The following CAST variants were observed in gnomAD, a reference collection of about 807,000 sequenced individuals.
CAST encodes the protein calpastatin.
Under a neutral mutation model 119.6 loss-of-function variants are expected in CAST, and 76 were observed. The ratio of observed to expected loss-of-function variants is 0.64; its 90% CI spans 0.53 to 0.77. CAST has a LOEUF of 0.77. Ranked by LOEUF, CAST falls within the 30% of genes least tolerant of loss-of-function variation. CAST has a pLI of 0.00. For synonymous variants in CAST, 319 were observed against 331.6 expected (o/e 0.96, Z 0.41); for missense variants, 953 against 946.5 (o/e 1.01, Z -0.09).
the CAST span, chr5:96,423,360 G>A: frequency 6.2e-7 from 1 of 1,613,538 alleles, no homozygotes; most frequent in Non-Finnish European, 8.5e-7. Context: ...CCATCATCCA[G>A]TACGGTGATA....
the CAST span, among the ~76,000 whole-genome samples, chr5:96,454,952 C>T: frequency 6.6e-6 from 1 of 152,178 alleles, no homozygotes; most frequent in African/African-American, 2.4e-5. Context: ...ATTTTATTGG[C>T]ATTTCTATTT....
At chr5:96,448,482 A>G in the CAST span, among the ~76,000 whole-genome samples, 1,496 of 152,312 alleles carry the variant, frequency 9.8e-3, 7 homozygotes, top group Non-Finnish European at 0.016. Context: ...GCACTGTGCT[A>G]GCTGCAATGG....
At chr5:96,435,884 A>G in the CAST span, among the ~76,000 whole-genome samples, 1 of 152,232 alleles carries the variant, frequency 6.6e-6, no homozygotes, top group Admixed American at 6.5e-5. Context: ...TAGGAAACAA[A>G]TGTTTTAAAC....
In CAST at chr5:96,534,743, A is replaced by AGAGAGAAAGAGAAAG. The variant is rs1554066267; in HGVS notation, c.60+4863_60+4864insGAGAGAAAGAGAAAG. Among the ~76,000 whole-genome samples the AGAGAGAAAGAGAAAG allele has an allele frequency of 5.7e-4, 32 of 56,600 alleles. 2 individuals are homozygous for AGAGAGAAAGAGAAAG. The highest frequency in any genetic ancestry group is 1.1e-3 in the African/African-American group (14 of 12,314). 37.1% of individuals were successfully genotyped at this position (56,600 alleles called of 152,430 possible). ...AGAGAGAGAGAGAGAGAGAGAGAGA[A>AGAGAGAAAGAGAAAG]AGAAAGAAAGAAAGAAAGAAAGAAA... On this transcript the variant is annotated intron_variant, in intron 1 of 11. Transcript: ENST00000505143.
chr5:96,500,769 G>A, the CAST span, among the ~76,000 whole-genome samples: 1 of 152,286 alleles, frequency 6.6e-6, no homozygotes, highest in East Asian at 1.9e-4. Flanking sequence ...ACTAATCACC[G>A]TCTCGGGAAA....
rs1747950161 is a variant in CAST at position 96,641,549 on chromosome 5, C to T, written c.61-33990C>T. 2.0e-5 allele frequency among the ~76,000 whole-genome samples: 3 copies of T among 152,238 alleles called. No individual in the cohort carries two copies. In the South Asian group the frequency reaches 6.2e-4, roughly 32 times the overall value. On this transcript the variant is annotated intron_variant, in intron 1 of 11. Coordinates refer to the CAST transcript ENST00000505143. ...CAATGTTTACAGTGCTTGATGGTTT[C>T]CCAATGCCAAGAGGATGGAGTTTAG...
At chr5:96,252,540 G>A in the CAST span, among the ~76,000 whole-genome samples, 10 of 152,158 alleles carry the variant, frequency 6.6e-5, no homozygotes, top group Non-Finnish European at 1.5e-4. Flanking sequence ...GTTAGAGTAG[G>A]TATTAACAGT....
the CAST span, among the ~76,000 whole-genome samples, chr5:96,203,232 T>TTA: frequency 1.3e-5 from 2 of 152,036 alleles, no homozygotes; most frequent in African/African-American, 4.8e-5. Context: ...AGTGACTGCA[T>TTA]TGTTTCACCA....
At chr5:96,416,010 A>C in the CAST span, 1 of 1,457,160 alleles carries the variant, frequency 6.9e-7, no homozygotes, top group Non-Finnish European at 9.6e-7. Flanking sequence ...ATGCCAAGCT[A>C]TAGGGACAAT....
At chr5:96,308,916 A>T in the CAST span, 5 of 152,496 alleles carry the variant, frequency 3.3e-5, no homozygotes, top group Non-Finnish European at 7.3e-5. Context: ...GGTGTTTCCC[A>T]GTCAGGATAC....
At chr5:96,758,964 CATTATT>C (rs1228223543) in intron 24 of CAST, among the ~76,000 whole-genome samples, 1 of 152,092 alleles carries the variant, frequency 6.6e-6, no homozygotes, top group Non-Finnish European at 1.5e-5. Context: ...CTCCTCCTAT[CATTATT>C]ATTATTACAA....
the CAST span, among the ~76,000 whole-genome samples, chr5:96,334,269 A>G: frequency 1.1e-4 from 16 of 152,186 alleles, no homozygotes; most frequent in Non-Finnish European, 1.9e-4. Context: ...CTCAGTGCAG[A>G]AAATTCTAGG....
intron 1 of CAST, among the ~76,000 whole-genome samples, chr5:96,540,374 A>G (rs35283841): frequency 0.61 from 92,207 of 151,324 alleles, 28,423 homozygotes; most frequent in East Asian, 0.86. Flanking sequence ...ATCCTTTCAG[A>G]TTTTGTATGT....
chr5:96,466,435 G>A, the CAST span, among the ~76,000 whole-genome samples: 1 of 152,104 alleles, frequency 6.6e-6, no homozygotes, highest in Non-Finnish European at 1.5e-5. Context: ...CTGTATGAAA[G>A]AGCACACTCA....
the CAST span, among the ~76,000 whole-genome samples, chr5:96,500,217 ATGCTGTTG>A: frequency 6.6e-6 from 1 of 152,236 alleles, no homozygotes; most frequent in African/African-American, 2.4e-5. Context: ...AAGTAAACAC[ATGCTGTTG>A]AAAAAGTGTG....
chr5:96,648,548 C>G (rs1580857874), intron 1 of CAST, among the ~76,000 whole-genome samples: 1 of 151,530 alleles, frequency 6.6e-6, no homozygotes, highest in East Asian at 1.9e-4. Context: ...AGTTTCAGCA[C>G]TTGAATTAAT....
intron 1 of CAST, among the ~76,000 whole-genome samples, chr5:96,580,859 T>C (rs1436459618): frequency 1.3e-5 from 2 of 152,222 alleles, no homozygotes; most frequent in African/African-American, 4.8e-5. Flanking sequence ...AAGGTGATGA[T>C]ATTGGGAGAG....
intron 20 of CAST, among the ~76,000 whole-genome samples, chr5:96,752,589 T>C (rs1201999992): frequency 7.0e-6 from 1 of 142,114 alleles, no homozygotes; most frequent in East Asian, 2.0e-4. Context: ...TTTTTTTTTT[T>C]TTTTTGGTAG....
the CAST span, among the ~76,000 whole-genome samples, chr5:96,325,435 CT>C: frequency 6.9e-6 from 1 of 144,304 alleles, no homozygotes; most frequent in Non-Finnish European, 1.5e-5. Context: ...TCTTTCTTTT[CT>C]TTCTTCCTTT....
Sources: gnomAD v4.1 joint callset for allele counts (sites outside exome capture counted in the v4.1 genomes callset) on GRCh38, gnomAD v4.1.1 for gene constraint, MANE v1.5 for transcripts, NCBI Gene and HGNC (gene_info 2026-07-23, HGNC 2026-07-21) for gene names.